Variants in PDE4D observed in about 807,000 individuals in gnomAD.
The protein encoded by PDE4D is 3',5'-cyclic-AMP phosphodiesterase 4D.
PDE4D carries 24 observed loss-of-function variants against 87.4 expected under a neutral mutation model. That is an observed-to-expected ratio of 0.27 (90% confidence interval 0.20 to 0.39). The LOEUF is 0.39. PDE4D is among the 10% of genes least tolerant of loss of function. PDE4D has a pLI of 1.00. For missense variants in PDE4D, 714 were observed against 1,041.0 expected, an observed-to-expected ratio of 0.69 and a Z score of 4.32; for synonymous variants, 384 against 383.2, an observed-to-expected ratio of 1.00 and a Z score of -0.02.
chr5:60,096,815 T>C (rs1227751500), intron 2 of PDE4D, among the ~76,000 whole-genome samples: 1 of 152,114 alleles, frequency 6.6e-6, no homozygotes, highest in East Asian at 1.9e-4. Flanking sequence ...TGGTATTTAA[T>C]TACATTGCTC....
At chr5:59,996,327 C>T (rs568650748) in intron 2 of PDE4D, among the ~76,000 whole-genome samples, 1 of 152,070 alleles carries the variant, frequency 6.6e-6, no homozygotes, top group African/African-American at 2.4e-5. Flanking sequence ...TTTTCCTGTC[C>T]AGTTAGTTTG....
At chr5:59,961,302 TAA>T (rs34174642) in intron 3 of PDE4D, among the ~76,000 whole-genome samples, 99 of 135,978 alleles carry the variant, frequency 7.3e-4, no homozygotes, top group Admixed American at 1.0e-3. Context: ...AGACCCAGAT[TAA>T]AAAAAAAAAA....
At chr5:59,984,710 A>T (rs1050355190) in intron 3 of PDE4D, among the ~76,000 whole-genome samples, 1 of 152,082 alleles carries the variant, frequency 6.6e-6, no homozygotes, top group South Asian at 2.1e-4. Context: ...CTGCACATCA[A>T]AGTTCTTTTT....
At chr5:59,358,149 C>A (rs554187713) in intron 1 of PDE4D, among the ~76,000 whole-genome samples, 46 of 152,158 alleles carry the variant, frequency 3.0e-4, no homozygotes, top group Non-Finnish European at 6.5e-4. Context: ...CAACAGCATC[C>A]AGGACACCAG....
At chr5:59,290,975 T>C (rs111557470) in intron 1 of PDE4D, among the ~76,000 whole-genome samples, 4,141 of 151,978 alleles carry the variant, frequency 0.027, 208 homozygotes, top group African/African-American at 0.094. Context: ...CTGGTACACT[T>C]TTGATGGGAA....
intron 3 of PDE4D, among the ~76,000 whole-genome samples, chr5:59,935,380 G>A (rs1403084318): frequency 6.6e-6 from 1 of 152,048 alleles, no homozygotes; most frequent in Non-Finnish European, 1.5e-5. Flanking sequence ...GATTTAATGT[G>A]TTATGGAAGA....
intron 1 of PDE4D, among the ~76,000 whole-genome samples, chr5:59,644,794 A>G (rs1363538079): frequency 2.0e-5 from 3 of 152,362 alleles, no homozygotes; most frequent in African/African-American, 7.2e-5. Flanking sequence ...AATCCAGGTT[A>G]CAAATAGCAC....
intron 5 of PDE4D, chr5:59,179,763 G>A (rs573619242): frequency 6.0e-6 from 2 of 330,666 alleles, no homozygotes; most frequent in Non-Finnish European, 1.2e-5. Context: ...GTTTTAGTTT[G>A]GAGAATATGC....
chr5:59,368,857 A>G (rs1413185782), intron 1 of PDE4D, among the ~76,000 whole-genome samples: 1 of 152,222 alleles, frequency 6.6e-6, no homozygotes, highest in Non-Finnish European at 1.5e-5. Flanking sequence ...CCAAACCATC[A>G]TGAAAAACAT....
chr5:59,611,177 G>C (rs955560145), intron 1 of PDE4D, among the ~76,000 whole-genome samples: 3 of 152,148 alleles, frequency 2.0e-5, no homozygotes, highest in Admixed American at 1.3e-4. Context: ...CAAGATGAAG[G>C]CATCAGCAGA....
chr5:59,566,576 G>A (rs1820945327), intron 1 of PDE4D, among the ~76,000 whole-genome samples: 1 of 149,878 alleles, frequency 6.7e-6, no homozygotes, highest in Non-Finnish European at 1.5e-5. Flanking sequence ...GTGTGTGTGT[G>A]TGTGTGTGAG....
At chr5:59,358,202 C>T (rs967091824) in intron 1 of PDE4D, among the ~76,000 whole-genome samples, 7 of 152,228 alleles carry the variant, frequency 4.6e-5, no homozygotes, top group East Asian at 1.9e-4. Flanking sequence ...GCTTTGGAGA[C>T]GAGTAATAGA....
intron 1 of PDE4D, among the ~76,000 whole-genome samples, chr5:59,518,752 C>A (rs1205246844): frequency 6.6e-6 from 1 of 152,170 alleles, no homozygotes; most frequent in African/African-American, 2.4e-5. Context: ...TTTGTTGTTT[C>A]TGCATCCCCT....
intron 5 of PDE4D, among the ~76,000 whole-genome samples, chr5:59,161,136 T>G (rs1781038409): frequency 6.6e-6 from 1 of 151,928 alleles, no homozygotes; most frequent in Non-Finnish European, 1.5e-5. Context: ...TCATATTCAT[T>G]GTGTTAGCCC....
chr5:59,665,474 T>C (rs933625143), intron 1 of PDE4D, among the ~76,000 whole-genome samples: 6 of 152,200 alleles, frequency 3.9e-5, no homozygotes, highest in African/African-American at 1.4e-4. Flanking sequence ...CTAATCCACC[T>C]GAGGAAAAAG....
intron 1 of PDE4D, among the ~76,000 whole-genome samples, chr5:59,312,358 T>A (rs945830884): frequency 6.6e-6 from 1 of 152,170 alleles, no homozygotes; most frequent in Admixed American, 6.5e-5. Context: ...CGAAATGACT[T>A]ACACCTGGAA....
rs866153262 is a variant in PDE4D, at chr5:60,050,073, G to A, written c.43-61356C>T. On this transcript the variant is annotated intron_variant, in intron 2 of 16. Transcript: ENST00000502484. ...GTGCAGGATATAATCTCCTGGTGCC[G>A]TTTTTTAAGGCCGTCAGAAAAGCGC... Among the ~76,000 whole-genome samples, 113 of 152,274 alleles carry A rather than the reference G, an allele frequency of 7.4e-4. 1 individual carries two copies. The highest frequency in any genetic ancestry group is 1.3e-3 in the African/African-American group (53 of 41,570).
chr5:58,979,751 T>G (rs2153314968), intron 11 of PDE4D, among the ~76,000 whole-genome samples: 1 of 152,314 alleles, frequency 6.6e-6, no homozygotes, highest in East Asian at 1.9e-4. Flanking sequence ...AACTGCCCAC[T>G]TTCTCCTGTA....
At chr5:59,778,655 C>T (rs1387121035) in intron 1 of PDE4D, among the ~76,000 whole-genome samples, 1 of 152,128 alleles carries the variant, frequency 6.6e-6, no homozygotes, top group Non-Finnish European at 1.5e-5. Context: ...ACACTTCAGT[C>T]TAAACAGCAG....
Sources: gnomAD v4.1 joint callset for allele counts (sites outside exome capture counted in the v4.1 genomes callset) on GRCh38, gnomAD v4.1.1 for gene constraint, MANE v1.5 for transcripts, NCBI Gene and HGNC (gene_info 2026-07-23, HGNC 2026-07-21) for gene names.